The following EYS variants were observed in gnomAD, a reference collection of about 807,000 sequenced individuals.
The protein encoded by EYS is EGF-like photoreceptor maintenance factor.
In EYS, 250 loss-of-function variants were observed where a neutral mutation model predicts 282.1. The observed-to-expected ratio is 0.89, with a 90% CI of 0.80 to 0.98. The LOEUF (loss-of-function observed/expected upper bound fraction) is 0.98, where lower values mean the gene tolerates loss of function less well. Among genes scored for constraint, EYS ranks in the 50% least tolerant of loss-of-function variants. EYS has a pLI of 0.00. For synonymous variants in EYS, 1,355 were observed against 1,282.9 expected, an observed-to-expected ratio of 1.06 and a Z score of -1.20; for missense variants, 4,016 against 3,709.0, an observed-to-expected ratio of 1.08 and a Z score of -2.15.
At chr6:65,423,953 A>C (rs1195688282) in intron 5 of EYS, among the ~76,000 whole-genome samples, 1 of 151,880 alleles carries the variant, frequency 6.6e-6, no homozygotes, top group Non-Finnish European at 1.5e-5. Flanking sequence ...AATTCCTTTC[A>C]GTTGTCAATT....
chr6:64,479,709 C>T (rs1776378882), intron 26 of EYS, among the ~76,000 whole-genome samples: 1 of 151,952 alleles, frequency 6.6e-6, no homozygotes. Context: ...CACTTTTAAA[C>T]AGCTGTACTG....
At chr6:65,367,793 T>C (rs1764970948) in intron 8 of EYS, among the ~76,000 whole-genome samples, 1 of 151,764 alleles carries the variant, frequency 6.6e-6, no homozygotes, top group Admixed American at 6.7e-5. Context: ...TATCAATTAT[T>C]ATAGCCAATC....
At chr6:64,903,114 T>C (rs528551277) in intron 16 of EYS, among the ~76,000 whole-genome samples, 58 of 152,226 alleles carry the variant, frequency 3.8e-4, no homozygotes, top group African/African-American at 1.3e-3. Flanking sequence ...ATGATATCAC[T>C]TTTTAAAATA....
chr6:64,038,098 TAAAG>T (rs1276495294), intron 33 of EYS, among the ~76,000 whole-genome samples: 1 of 151,050 alleles, frequency 6.6e-6, no homozygotes, highest in Non-Finnish European at 1.5e-5. Flanking sequence ...TTTATAAAAA[TAAAG>T]AATAGAATGG....
At chr6:64,950,388 T>C (rs1225652747) in intron 14 of EYS, among the ~76,000 whole-genome samples, 1 of 151,938 alleles carries the variant, frequency 6.6e-6, no homozygotes, top group African/African-American at 2.4e-5. Flanking sequence ...AAAACCTAGC[T>C]ACCAAATTCT....
chr6:65,215,245 G>A (rs181773233), intron 12 of EYS, among the ~76,000 whole-genome samples: 80 of 152,262 alleles, frequency 5.3e-4, no homozygotes, highest in African/African-American at 1.8e-3. Context: ...ATGCCATTAA[G>A]AATGTGTGGT....
intron 19 of EYS, among the ~76,000 whole-genome samples, chr6:64,828,169 G>T (rs1189396353): frequency 6.6e-6 from 1 of 151,840 alleles, no homozygotes; most frequent in Non-Finnish European, 1.5e-5. Flanking sequence ...AAGAACCAAT[G>T]AACTTGAAGA....
At chr6:64,877,399 T>C (rs1766781468) in intron 19 of EYS, among the ~76,000 whole-genome samples, 1 of 152,172 alleles carries the variant, frequency 6.6e-6, no homozygotes, top group East Asian at 1.9e-4. Context: ...TATTTGGGAA[T>C]TATTAGTATA....
intron 22 of EYS, among the ~76,000 whole-genome samples, chr6:64,690,404 G>A (rs544656516): frequency 1.2e-4 from 19 of 152,268 alleles, no homozygotes; most frequent in Non-Finnish European, 1.5e-4. Context: ...TTCAACCATC[G>A]TGGAAGACAG....
rs201126484 is a variant in EYS at position 63,923,672 on chromosome 6, C to T, written c.7056-59314G>A. Among the ~76,000 whole-genome samples, 20 of 152,208 alleles carry T rather than the reference C, an allele frequency of 1.3e-4. No homozygotes were observed. The East Asian group carries it at 2.5e-3, about 19-fold the overall frequency. On this transcript the variant is annotated intron_variant, in intron 35 of 42. Transcript: ENST00000503581. Reference sequence around the variant, plus strand: ...GCTGAGGTTGGGAGTACGACTGGTCCTTTCACCCAGGTACTGAGCATAGTA... The same window carrying T: ...GCTGAGGTTGGGAGTACGACTGGTCTTTTCACCCAGGTACTGAGCATAGTA...
chr6:64,366,142 GGAAGT>G (rs1314931150), intron 29 of EYS, among the ~76,000 whole-genome samples: 9 of 152,126 alleles, frequency 5.9e-5, no homozygotes, highest in African/African-American at 1.4e-4. Flanking sequence ...TCTGCCATTA[GGAAGT>G]GAAGTGAAGT....
intron 41 of EYS, among the ~76,000 whole-genome samples, chr6:63,757,366 G>C (rs1352429690): frequency 6.6e-6 from 1 of 152,080 alleles, no homozygotes; most frequent in Non-Finnish European, 1.5e-5. Context: ...GGTCTGACTG[G>C]TTCTCTGCTC....
chr6:64,493,562 A>G lies in EYS; in HGVS notation c.5645-54210T>C, dbSNP rs901676257. Among the ~76,000 whole-genome samples, 6 of 151,592 alleles carry G rather than the reference A, an allele frequency of 4.0e-5. No individual in the cohort carries two copies. In the South Asian group the frequency reaches 1.0e-3, roughly 26 times the overall value. ...TTTTCTAACCTCCTGCAGTCTTTCT[A>G]TATCAGTAGGTCCCCTTCAGTTTCT... On this transcript the variant is annotated intron_variant, in intron 26 of 42. Coordinates refer to ENST00000503581, the MANE Select transcript of EYS (RefSeq NM_001142800.2).
At chr6:64,689,873 G>A (rs913291858) in intron 22 of EYS, among the ~76,000 whole-genome samples, 1 of 151,978 alleles carries the variant, frequency 6.6e-6, no homozygotes, top group Non-Finnish European at 1.5e-5. Context: ...CCATAAAAAC[G>A]CTGGAAGAAA....
At chr6:65,501,363 G>T (rs1010003187) in intron 2 of EYS, among the ~76,000 whole-genome samples, 1 of 151,634 alleles carries the variant, frequency 6.6e-6, no homozygotes, top group African/African-American at 2.4e-5. Context: ...TTACATTGAG[G>T]TTTCATTATT....
At chr6:65,501,159 G>T (rs554027422) in intron 2 of EYS, among the ~76,000 whole-genome samples, 45 of 151,938 alleles carry the variant, frequency 3.0e-4, no homozygotes, top group African/African-American at 1.0e-3. Context: ...TCGGTTTTCT[G>T]TAAGTAATCT....
At chr6:64,116,666 T>A (rs1220907153) in intron 31 of EYS, among the ~76,000 whole-genome samples, 1 of 152,120 alleles carries the variant, frequency 6.6e-6, no homozygotes, top group East Asian at 1.9e-4. Context: ...AGATAAAATG[T>A]CTTTAAGGAC....
intron 30 of EYS, among the ~76,000 whole-genome samples, chr6:64,282,345 G>C (rs916086983): frequency 3.3e-5 from 5 of 152,218 alleles, no homozygotes; most frequent in African/African-American, 1.2e-4. Context: ...TTCCAAATTA[G>C]AGTCAACCTT....
chr6:65,080,799 A>G (rs1459069522), intron 12 of EYS, among the ~76,000 whole-genome samples: 2 of 152,154 alleles, frequency 1.3e-5, no homozygotes, highest in African/African-American at 4.8e-5. Context: ...ACAATGTGCT[A>G]TTTCAAAACA....
Sources: gnomAD v4.1 joint callset for allele counts (sites outside exome capture counted in the v4.1 genomes callset) on GRCh38, gnomAD v4.1.1 for gene constraint, MANE v1.5 for transcripts, NCBI Gene and HGNC (gene_info 2026-07-23, HGNC 2026-07-21) for gene names.